The following RBFOX1 variants were observed in gnomAD, a reference collection of about 807,000 sequenced individuals.
RBFOX1 encodes the protein RNA binding fox-1 homolog 1.
In RBFOX1, 8 loss-of-function variants were observed where a neutral mutation model predicts 57.7. The observed-to-expected ratio is 0.14, with a 90% CI of 0.08 to 0.25. The LOEUF is 0.25. Among genes scored for constraint, RBFOX1 ranks in the 10% least tolerant of loss-of-function variants. RBFOX1 has a pLI of 1.00. For synonymous variants in RBFOX1, 326 were observed against 222.4 expected (o/e 1.47, Z -4.15); for missense variants, 611 against 548.5 (o/e 1.11, Z -1.14).
At chr16:5,894,756 TCACGCCTGTAATCCCAG>T (rs1385918767) in intron 4 of RBFOX1, among the ~76,000 whole-genome samples, 1 of 151,508 alleles carries the variant, frequency 6.6e-6, no homozygotes, top group Admixed American at 6.6e-5. Context: ...GCGTGGTGGC[TCACGCCTGTAATCCCAG>T]CACTTTGGGA....
intron 3 of RBFOX1, among the ~76,000 whole-genome samples, chr16:5,627,594 C>G (rs968298443): frequency 2.9e-4 from 44 of 152,030 alleles, no homozygotes; most frequent in African/African-American, 9.7e-4. Flanking sequence ...AAGCAACAAC[C>G]TTATAAATAA....
chr16:7,425,579 A>G (rs1485367790), intron 4 of RBFOX1, among the ~76,000 whole-genome samples: 1 of 152,210 alleles, frequency 6.6e-6, no homozygotes, highest in Non-Finnish European at 1.5e-5. Flanking sequence ...GTTCCTTCTG[A>G]AATTACATAG....
chr16:6,403,217 C>G (rs1452823242), intron 2 of RBFOX1, among the ~76,000 whole-genome samples: 1 of 152,256 alleles, frequency 6.6e-6, no homozygotes, highest in South Asian at 2.1e-4. Flanking sequence ...GCATTTTAAA[C>G]CAAGATACTC....
intron 2 of RBFOX1, among the ~76,000 whole-genome samples, chr16:6,392,307 G>A (rs565432882): frequency 6.6e-6 from 1 of 152,326 alleles, no homozygotes; most frequent in African/African-American, 2.4e-5. Context: ...AGAAGCATCT[G>A]TAGTAAGAAT....
At chr16:6,469,165 T>A (rs2095117826) in intron 2 of RBFOX1, among the ~76,000 whole-genome samples, 1 of 152,112 alleles carries the variant, frequency 6.6e-6, no homozygotes, top group Non-Finnish European at 1.5e-5. Flanking sequence ...GAAGAGATCC[T>A]GGTAGAAAAG....
chr16:6,845,274 T>G (rs2093695484), intron 3 of RBFOX1, among the ~76,000 whole-genome samples: 1 of 152,212 alleles, frequency 6.6e-6, no homozygotes, highest in Non-Finnish European at 1.5e-5. Context: ...TGAATGGTAT[T>G]GCCTAGGTTT....
chr16:6,580,223 C>T (rs1460269842), intron 2 of RBFOX1, among the ~76,000 whole-genome samples: 2 of 152,172 alleles, frequency 1.3e-5, no homozygotes, highest in Non-Finnish European at 2.9e-5. Flanking sequence ...TCCCAAAGTG[C>T]TGGGATTACA....
chr16:5,967,243 C>T (rs1242677072), intron 4 of RBFOX1, among the ~76,000 whole-genome samples: 1 of 152,112 alleles, frequency 6.6e-6, no homozygotes, highest in East Asian at 1.9e-4. Context: ...CTTTTTTGAT[C>T]TACTAATCCC....
At position 7,659,444 on chromosome 16, in the gene RBFOX1, T is replaced by G. The variant is rs116976392; in HGVS notation, c.891-5485T>G. Reference sequence around the variant, plus strand: ...TAGGAACTGTATTTAGTATAAATACTAGGAACAAAAGTCATCATTACCCAT... The same window carrying G: ...TAGGAACTGTATTTAGTATAAATACGAGGAACAAAAGTCATCATTACCCAT... On this transcript the variant is annotated intron_variant, in intron 12 of 15. Transcript: ENST00000550418. 8.9e-3 allele frequency among the ~76,000 whole-genome samples: 1,357 copies of G among 152,262 alleles called. 10 individuals carry two copies. Among genetic ancestry groups the G allele is most frequent in the Non-Finnish European group, 0.015 (994 of 68,026 alleles).
chr16:6,574,637 C>T (rs1002319982), intron 2 of RBFOX1, among the ~76,000 whole-genome samples: 15 of 146,568 alleles, frequency 1.0e-4, no homozygotes, highest in African/African-American at 3.7e-4. Context: ...ACCGTTTTAG[C>T]CGGGATGGTC....
At chr16:5,248,178 A>C (rs973797377) in intron 1 of RBFOX1, among the ~76,000 whole-genome samples, 3 of 152,244 alleles carry the variant, frequency 2.0e-5, no homozygotes, top group African/African-American at 7.2e-5. Context: ...GGGAGATAAA[A>C]GAATGGTTTC....
intron 4 of RBFOX1, among the ~76,000 whole-genome samples, chr16:5,969,298 CTTTTTTT>C (rs71142659): frequency 3.6e-5 from 3 of 83,750 alleles, no homozygotes; most frequent in Non-Finnish European, 6.3e-5. Context: ...TTCGGTTGTT[CTTTTTTT>C]TTTTTTTTTT....
chr16:5,709,915 A>C (rs1157162890), intron 3 of RBFOX1, among the ~76,000 whole-genome samples: 1 of 119,718 alleles, frequency 8.4e-6, no homozygotes, highest in East Asian at 2.5e-4. Flanking sequence ...CCCGTGAATT[A>C]TGCATTATTG....
chr16:6,829,493 A>AC (rs1056613686), intron 3 of RBFOX1, among the ~76,000 whole-genome samples: 2 of 151,222 alleles, frequency 1.3e-5, no homozygotes, highest in Admixed American at 6.7e-5. Flanking sequence ...AAAAAAAAAA[A>AC]AACAAAAAAA....
intron 2 of RBFOX1, among the ~76,000 whole-genome samples, chr16:6,566,951 T>C (rs2097275067): frequency 6.6e-6 from 1 of 152,212 alleles, no homozygotes; most frequent in Non-Finnish European, 1.5e-5. Flanking sequence ...GAGATGAATT[T>C]ACAGACTCTA....
intron 3 of RBFOX1, among the ~76,000 whole-genome samples, chr16:6,773,283 ATG>A (rs2078721567): frequency 1.2e-5 from 1 of 81,108 alleles, no homozygotes; most frequent in Admixed American, 1.4e-4. Context: ...GTGTAAGTGT[ATG>A]TGTGGGTGTG....
intron 2 of RBFOX1, among the ~76,000 whole-genome samples, chr16:6,355,053 A>G (rs2087044077): frequency 6.6e-6 from 1 of 152,204 alleles, no homozygotes; most frequent in Non-Finnish European, 1.5e-5. Flanking sequence ...GAACACACTT[A>G]GCATCCTCAT....
intron 3 of RBFOX1, among the ~76,000 whole-genome samples, chr16:6,950,641 A>G (rs149514605): frequency 2.1e-3 from 320 of 152,244 alleles, no homozygotes; most frequent in African/African-American, 7.4e-3. Context: ...GAAGCTCTAA[A>G]TCTCTCTCAA....
chr16:5,548,265 C>T (rs910610449), intron 2 of RBFOX1, among the ~76,000 whole-genome samples: 18 of 144,702 alleles, frequency 1.2e-4, no homozygotes, highest in Non-Finnish European at 2.3e-4. Context: ...GGAAAACTAA[C>T]TGTGGGGTAC....
Sources: allele counts gnomAD v4.1 joint callset (sites outside exome capture counted in the v4.1 genomes callset), GRCh38; gene constraint gnomAD v4.1.1; transcripts MANE v1.5; gene names NCBI Gene and HGNC (gene_info 2026-07-23, HGNC 2026-07-21).